ASAP2: variants seen among roughly 807,000 people sequenced by gnomAD.
The protein encoded by ASAP2 is ArfGAP with SH3 domain, ankyrin repeat and PH domain 2.
A neutral mutation model predicts 131.4 loss-of-function variants in ASAP2; 45 were observed. That is an observed-to-expected ratio of 0.34 (90% CI 0.27 to 0.44). The LOEUF (loss-of-function observed/expected upper bound fraction) is 0.44, where lower values mean the gene tolerates loss of function less well. Ranked by LOEUF, ASAP2 falls within the 20% of genes least tolerant of loss-of-function variation. The pLI, the probability that ASAP2 is intolerant of heterozygous loss-of-function variation, is 1.00. For synonymous variants in ASAP2, 510 were observed against 503.0 expected, an observed-to-expected ratio of 1.01 and a Z score of -0.19; for missense variants, 1,011 against 1,297.0, an observed-to-expected ratio of 0.78 and a Z score of 3.39.
intron 1 of ASAP2, among the ~76,000 whole-genome samples, chr2:9,212,138 G>A (rs1661605089): frequency 6.6e-6 from 1 of 152,158 alleles, no homozygotes; most frequent in Non-Finnish European, 1.5e-5. Flanking sequence ...CATGCACTCA[G>A]GATTCCTGAG....
intron 14 of ASAP2, among the ~76,000 whole-genome samples, chr2:9,357,862 G>A (rs777401679): frequency 1.3e-5 from 2 of 152,154 alleles, no homozygotes; most frequent in African/African-American, 2.4e-5. Context: ...TTTACCTGCC[G>A]TGAGTTTCTC....
In ASAP2 at chr2:9,388,290, G is replaced by A. The variant is rs767822766; in HGVS notation, c.2131-4G>A. On this transcript the variant is annotated splice_region_variant and splice_polypyrimidine_tract_variant and intron_variant, in intron 21 of 27. Transcript: ENST00000281419. ...CACGCCTCTGCCCCAATGTTCTCCT[G>A]CAGCCCAGTCCCAACCGGCGGGAAG... The A allele has an allele frequency of 1.6e-5, 26 of 1,613,390 alleles. No individual in the cohort carries two copies. The highest frequency in any genetic ancestry group is 1.9e-5 in the Non-Finnish European group (23 of 1,179,948).
At chr2:9,258,634 C>T (rs1175102618) in intron 1 of ASAP2, among the ~76,000 whole-genome samples, 2 of 152,118 alleles carry the variant, frequency 1.3e-5, no homozygotes, top group African/African-American at 4.8e-5. Flanking sequence ...CAAACCTTCC[C>T]GGGTCCTGGG....
intron 1 of ASAP2, among the ~76,000 whole-genome samples, chr2:9,209,749 A>T (rs1175667509): frequency 6.6e-6 from 1 of 152,180 alleles, no homozygotes; most frequent in Admixed American, 6.5e-5. Flanking sequence ...TTTTGTATTT[A>T]GTAGAGATGG....
chr2:9,327,192 A>G (rs889967313), intron 6 of ASAP2, among the ~76,000 whole-genome samples: 4 of 147,278 alleles, frequency 2.7e-5, no homozygotes, highest in African/African-American at 5.0e-5. Flanking sequence ...TTTCCAGGGG[A>G]CATTCCATTT....
At chr2:9,224,848 G>A (rs1027134205) in intron 1 of ASAP2, among the ~76,000 whole-genome samples, 2 of 152,224 alleles carry the variant, frequency 1.3e-5, no homozygotes, top group Non-Finnish European at 2.9e-5. Context: ...GAAGCAGAGT[G>A]CTCTACATCT....
intron 1 of ASAP2, among the ~76,000 whole-genome samples, chr2:9,231,497 G>T (rs1663160482): frequency 1.3e-5 from 2 of 152,310 alleles, no homozygotes; most frequent in South Asian, 4.1e-4. Flanking sequence ...GTGAGCAGTC[G>T]CTGGTCATGT....
intron 1 of ASAP2, among the ~76,000 whole-genome samples, chr2:9,209,866 G>T (rs907062735): frequency 1.3e-5 from 2 of 152,236 alleles, no homozygotes; most frequent in Non-Finnish European, 2.9e-5. Context: ...ACCACACCCG[G>T]CCAGCAAACT....
rs370002539 is a variant in ASAP2 at position 9,356,362 on chromosome 2, A to G, written c.1327+17A>G. On this transcript the variant is annotated intron_variant, in intron 14 of 27. Coordinates refer to ENST00000281419, the MANE Select transcript of ASAP2 (RefSeq NM_003887.3). ...GGGCGCCAGGTGACCCAGGGACCCCACCCGACCCTGGGCTCTAGGACATTT... is the reference window on the plus strand; with the variant it reads ...GGGCGCCAGGTGACCCAGGGACCCCGCCCGACCCTGGGCTCTAGGACATTT... The G allele has an allele frequency of 8.3e-6, 13 of 1,561,518 alleles. No individual in the cohort carries two copies. Among genetic ancestry groups the G allele is most frequent in the Non-Finnish European group, 1.1e-5 (13 of 1,155,992 alleles).
At chr2:9,361,546 T>TTTCC (rs202239754) in intron 15 of ASAP2, among the ~76,000 whole-genome samples, 2,793 of 152,078 alleles carry the variant, frequency 0.018, 79 homozygotes, top group African/African-American at 0.063. Flanking sequence ...TCTTTCTTTC[T>TTTCC]TTCCTTCCTT....
intron 5 of ASAP2, among the ~76,000 whole-genome samples, chr2:9,321,019 A>G (rs1670117692): frequency 6.6e-6 from 1 of 152,182 alleles, no homozygotes; most frequent in Admixed American, 6.5e-5. Flanking sequence ...TCAAGCAAGT[A>G]ATTATGGGGG....
chr2:9,259,224 A>C (rs1308531616), intron 1 of ASAP2, among the ~76,000 whole-genome samples: 1 of 152,244 alleles, frequency 6.6e-6, no homozygotes, highest in Non-Finnish European at 1.5e-5. Flanking sequence ...AAGTAAAACT[A>C]ATGGGCTGAA....
chr2:9,382,769 G>A (rs1006037349), intron 20 of ASAP2, among the ~76,000 whole-genome samples: 1 of 152,216 alleles, frequency 6.6e-6, no homozygotes, highest in Non-Finnish European at 1.5e-5. Flanking sequence ...CAATACAGAA[G>A]CAGACTGCTG....
intron 1 of ASAP2, among the ~76,000 whole-genome samples, chr2:9,220,346 A>G (rs1035958513): frequency 2.0e-5 from 3 of 152,210 alleles, no homozygotes; most frequent in Admixed American, 1.3e-4. Flanking sequence ...CTTACCAGCC[A>G]TGTGTAAGGG....
chr2:9,354,645 C>CAAAAAAAAAA (rs566781964), intron 12 of ASAP2, among the ~76,000 whole-genome samples: 1 of 74,022 alleles, frequency 1.4e-5, no homozygotes, highest in Non-Finnish European at 3.2e-5. Context: ...GACTCCGTCT[C>CAAAAAAAAAA]AAAAAAAAAA....
At position 9,377,055 on chromosome 2, in the gene ASAP2, C is replaced by T. The variant is rs951857149; in HGVS notation, c.1832+62C>T. 102 of 1,389,556 alleles carry T rather than the reference C, an allele frequency of 7.3e-5. No homozygotes were observed. In the South Asian group the frequency reaches 9.6e-4, roughly 13 times the overall value. The allele number at this position is 1,389,556 out of a possible 1,614,324, so 86.1% of individuals were successfully genotyped here. A position where few individuals can be genotyped will look rare whatever the true frequency, so the allele number is the denominator to read the frequency against. On this transcript the variant is annotated intron_variant, in intron 18 of 27. Coordinates refer to ENST00000281419, the MANE Select transcript of ASAP2 (RefSeq NM_003887.3). ...TCCTTGGTATTTCTGGGGAAGGAAT[C>T]GGACGCTGCCTCATCGCTTCTGATG...
At chr2:9,239,855 T>C (rs1663822334) in intron 1 of ASAP2, among the ~76,000 whole-genome samples, 1 of 151,874 alleles carries the variant, frequency 6.6e-6, no homozygotes, top group Non-Finnish European at 1.5e-5. Flanking sequence ...GCCTCTTGAG[T>C]AGCTTGGACT....
intron 1 of ASAP2, among the ~76,000 whole-genome samples, chr2:9,253,099 T>A (rs1309798829): frequency 1.3e-5 from 2 of 152,146 alleles, no homozygotes; most frequent in Non-Finnish European, 2.9e-5. Flanking sequence ...TGTTGTTTTT[T>A]AAAAAGTTTT....
chr2:9,305,508 G>A (rs1668841611), intron 3 of ASAP2, among the ~76,000 whole-genome samples: 1 of 145,490 alleles, frequency 6.9e-6, no homozygotes, highest in Non-Finnish European at 1.5e-5. Flanking sequence ...CTGTAGTAGT[G>A]GGGTATAGAT....
Sources: allele counts gnomAD v4.1 joint callset (sites outside exome capture counted in the v4.1 genomes callset), GRCh38; gene constraint gnomAD v4.1.1; transcripts MANE v1.5; gene names NCBI Gene and HGNC (gene_info 2026-07-23, HGNC 2026-07-21).